The following VIT variants were observed in gnomAD, a reference collection of about 807,000 sequenced individuals.
VIT encodes vitrin.
VIT carries 99 observed loss-of-function variants against 78.0 expected under a neutral mutation model. The ratio of observed to expected loss-of-function variants is 1.27; its 90% CI spans 1.08 to 1.50. The LOEUF (loss-of-function observed/expected upper bound fraction) is 1.50. VIT is among the 40% of genes most tolerant of loss of function. The pLI is 0.00. For synonymous variants in VIT, 374 were observed against 334.3 expected (o/e 1.12, Z -1.29); for missense variants, 1,126 against 875.3 (o/e 1.29, Z -3.61).
At chr2:36,761,526 G>C (rs1021408870) in intron 6 of VIT, among the ~76,000 whole-genome samples, 1 of 152,092 alleles carries the variant, frequency 6.6e-6, no homozygotes, top group Non-Finnish European at 1.5e-5. Context: ...GGATCGCGAG[G>C]TCAGGAGATG....
At chr2:36,774,602 T>C in intron 8 of VIT, 1 of 985,452 alleles carries the variant, frequency 1.0e-6, no homozygotes, top group Non-Finnish European at 1.2e-6. Flanking sequence ...TTTTGCTTGC[T>C]ACTGGATAGG....
chr2:36,783,502 C>T (rs1218870405), intron 11 of VIT, 100 bp downstream of exon 11: 2 of 1,177,234 alleles, frequency 1.7e-6, no homozygotes, highest in Non-Finnish European at 1.2e-6. Context: ...CTCTCTCCTA[C>T]CGTGGATCTA....
chr2:36,775,117 G>T, intron 9 of VIT, 50 bp downstream of exon 9: 1 of 1,605,660 alleles, frequency 6.2e-7, no homozygotes. Context: ...TTTGCTCTGT[G>T]GCACTTTGCA....
At chr2:36,753,760 G>C (rs983500029) in intron 4 of VIT, among the ~76,000 whole-genome samples, 1 of 152,208 alleles carries the variant, frequency 6.6e-6, no homozygotes, top group Non-Finnish European at 1.5e-5. Flanking sequence ...AGATGTGAGG[G>C]AACTCAATCA....
chr2:36,697,153 C>T (rs1558493468), intron 1 of VIT, among the ~76,000 whole-genome samples, 180 bp downstream of exon 1: 1 of 152,064 alleles, frequency 6.6e-6, no homozygotes, highest in Non-Finnish European at 1.5e-5. Flanking sequence ...TAGTAATATA[C>T]ATATATATTT....
chr2:36,741,699 A>T (rs1435069827), intron 3 of VIT, among the ~76,000 whole-genome samples: 3 of 151,716 alleles, frequency 2.0e-5, no homozygotes, highest in African/African-American at 7.3e-5. Flanking sequence ...TGAATTACAG[A>T]CTCTTAGCAT....
chr2:36,790,086 T>C (rs1384960970), intron 12 of VIT, among the ~76,000 whole-genome samples: 1 of 152,094 alleles, frequency 6.6e-6, no homozygotes, highest in East Asian at 1.9e-4. Flanking sequence ...ATACTAAATA[T>C]TAACTGGGAA....
chr2:36,708,320 T>C (rs1665578329), intron 1 of VIT, among the ~76,000 whole-genome samples: 1 of 152,206 alleles, frequency 6.6e-6, no homozygotes, highest in Non-Finnish European at 1.5e-5. Flanking sequence ...CTCGTAAATG[T>C]TTCCAGATGG....
chr2:36,758,760 T>G (rs1450765744), intron 5 of VIT, among the ~76,000 whole-genome samples: 1 of 152,180 alleles, frequency 6.6e-6, no homozygotes, highest in Non-Finnish European at 1.5e-5. Flanking sequence ...GTTGGTTGCT[T>G]CCATTCTAAT....
intron 12 of VIT, among the ~76,000 whole-genome samples, chr2:36,791,145 T>C (rs1665473428): frequency 1.3e-5 from 2 of 152,246 alleles, no homozygotes; most frequent in South Asian, 2.1e-4. Context: ...TTTTTCTTCA[T>C]TTGAAAATCA....
intron 9 of VIT, among the ~76,000 whole-genome samples, chr2:36,777,433 A>C (rs1670141920): frequency 6.6e-6 from 1 of 151,984 alleles, no homozygotes; most frequent in Non-Finnish European, 1.5e-5. Context: ...CCCTCTAACT[A>C]TGCTGTAGAC....
intron 12 of VIT, among the ~76,000 whole-genome samples, chr2:36,796,186 C>T (rs1324732486): frequency 6.6e-6 from 1 of 151,194 alleles, no homozygotes; most frequent in African/African-American, 2.4e-5. Flanking sequence ...GTCATGTTAT[C>T]CAAATTCAGG....
At chr2:36,710,682 T>C (rs917243737) in intron 1 of VIT, among the ~76,000 whole-genome samples, 2 of 152,202 alleles carry the variant, frequency 1.3e-5, no homozygotes, top group Non-Finnish European at 2.9e-5. Context: ...TCTGACTACT[T>C]TCATTTAACA....
At chr2:36,775,175 C>T in intron 9 of VIT, 108 bp downstream of exon 9, 2 of 1,257,128 alleles carry the variant, frequency 1.6e-6, no homozygotes, top group Non-Finnish European at 2.2e-6. Context: ...TGCAGCTCAA[C>T]TTCAGGTCAC....
intron 2 of VIT, among the ~76,000 whole-genome samples, chr2:36,716,785 A>C (rs545272133): frequency 1.3e-5 from 2 of 151,936 alleles, no homozygotes; most frequent in African/African-American, 4.8e-5. Context: ...TTATTTCTTA[A>C]TTTCGCAAAC....
intron 13 of VIT, among the ~76,000 whole-genome samples, chr2:36,802,721 G>A (rs142985592): frequency 7.2e-5 from 11 of 152,208 alleles, no homozygotes; most frequent in African/African-American, 2.2e-4. Context: ...CGAGGTTAGC[G>A]ATGGGTCTCA....
At chr2:36,756,831 A>G (rs1403857485) in intron 5 of VIT, among the ~76,000 whole-genome samples, 2 of 152,244 alleles carry the variant, frequency 1.3e-5, no homozygotes, top group African/African-American at 4.8e-5. Context: ...TGGCTGAATA[A>G]GAGCATTTCA....
rs538966064 is a variant in VIT, at chr2:36,763,501, C to T, written c.488-3593C>T. On this transcript the variant is annotated intron_variant, in intron 6 of 15. Transcript: ENST00000379242. The stretch of plus-strand genomic sequence containing the variant: ...AGAACTTGGTTCCATGAAGAATTCA[C>T]CTTGGATCAAATCAAGGGTATTATG... Among the ~76,000 whole-genome samples the T allele has an allele frequency of 6.0e-5, 9 of 151,206 alleles. No individual in the cohort carries two copies. The South Asian group carries it at 1.7e-3, about 28-fold the overall frequency.
intron 12 of VIT, among the ~76,000 whole-genome samples, chr2:36,792,458 C>G (rs111946016): frequency 9.9e-4 from 151 of 152,290 alleles, no homozygotes; most frequent in Non-Finnish European, 1.6e-3. Context: ...AACGACTGCG[C>G]TTGACTTCCA....
Sources: gnomAD v4.1 joint callset for allele counts (sites outside exome capture counted in the v4.1 genomes callset) on GRCh38, gnomAD v4.1.1 for gene constraint, MANE v1.5 for transcripts, NCBI Gene and HGNC (gene_info 2026-07-23, HGNC 2026-07-21) for gene names.